PCDHA1: variants seen among roughly 807,000 people sequenced by gnomAD.
PCDHA1 encodes protocadherin alpha 1, also known as protocadherin alpha-1.
A neutral mutation model predicts 61.3 loss-of-function variants in PCDHA1; 42 were observed. The observed-to-expected ratio is 0.69, with a 90% confidence interval of 0.54 to 0.89. The LOEUF (loss-of-function observed/expected upper bound fraction) is 0.89. PCDHA1 is among the 40% of genes least tolerant of loss of function. The probability of loss-of-function intolerance (pLI) is 0.00; values close to 1 mark genes in which losing one functional copy is unlikely to be tolerated. For synonymous variants in PCDHA1, 610 were observed against 553.8 expected, an observed-to-expected ratio of 1.10 and a Z score of -1.43; for missense variants, 1,256 against 1,235.3, an observed-to-expected ratio of 1.02 and a Z score of -0.25.
At chr5:140,889,456 T>A (rs1328565593) in intron 1 of PCDHA1, among the ~76,000 whole-genome samples, 1 of 152,126 alleles carries the variant, frequency 6.6e-6, no homozygotes, top group Admixed American at 6.5e-5. Flanking sequence ...TTAATCTAAA[T>A]TTTCAGTTAT....
At chr5:140,938,158 C>G (rs1308976624) in intron 1 of PCDHA1, among the ~76,000 whole-genome samples, 1 of 152,112 alleles carries the variant, frequency 6.6e-6, no homozygotes, top group African/African-American at 2.4e-5. Flanking sequence ...ATTGCCCAGG[C>G]TAGTCTGGAG....
intron 1 of PCDHA1, chr5:140,857,810 C>T (rs1411794040): frequency 1.9e-6 from 3 of 1,597,674 alleles, no homozygotes; most frequent in Non-Finnish European, 2.6e-6. Context: ...GGTTGCGGGT[C>T]ACGTGGTGGC....
chr5:140,889,814 CATA>C (rs1463937516), intron 1 of PCDHA1, among the ~76,000 whole-genome samples: 6 of 152,048 alleles, frequency 3.9e-5, no homozygotes, highest in Non-Finnish European at 7.4e-5. Context: ...GAAGTCAGGT[CATA>C]AGAAGTCTTA....
intron 1 of PCDHA1, among the ~76,000 whole-genome samples, chr5:140,907,450 T>C (rs1235040607): frequency 1.1e-4 from 17 of 152,218 alleles, no homozygotes; most frequent in Non-Finnish European, 2.5e-4. Context: ...CAGATGGTAA[T>C]CTTGGCAGAA....
chr5:140,901,092 T>C (rs1374524038), intron 1 of PCDHA1, among the ~76,000 whole-genome samples: 5 of 152,228 alleles, frequency 3.3e-5, no homozygotes, highest in African/African-American at 1.2e-4. Context: ...TTGAGCTCCT[T>C]CTACATTCTG....
Position 140,787,909 on chromosome 5 carries a change from C to T in PCDHA1, c.1619C>T (p.Ala540Val). 1.9e-6 allele frequency: 3 copies of T among 1,613,586 alleles called. No individual in the cohort carries two copies. Among genetic ancestry groups the T allele is most frequent in the Non-Finnish European group, 1.7e-6 (2 of 1,179,872 alleles). ...CAGTTCCAGGTGAGCGCGCGGGATG[C>T]GGGCGTGCCGCCTCTGGGCAGCAAC... is the stretch of plus-strand genomic sequence containing the variant. ...LLQFQVSARD[A>V]GVPPLGSNVT... The change falls in exon 1 of 4, where the codon GCG (alanine) becomes GTG (valine). Residue 540 changes from alanine (A) to valine (V), a missense_variant. Ala to Val is a moderately conservative substitution (Grantham distance 64). Transcript: ENST00000504120.
At chr5:140,986,461 C>A (rs1554248079) in intron 3 of PCDHA1, among the ~76,000 whole-genome samples, 1 of 152,154 alleles carries the variant, frequency 6.6e-6, no homozygotes. Flanking sequence ...TTAATGAATG[C>A]CCTCTTGTGA....
chr5:140,831,520 C>CTTTTTTT (rs35178185), intron 1 of PCDHA1, among the ~76,000 whole-genome samples: 11 of 122,404 alleles, frequency 9.0e-5, no homozygotes, highest in Non-Finnish European at 1.6e-4. Context: ...TGCCCCCCAC[C>CTTTTTTT]TTTTTTTTTT....
intron 1 of PCDHA1, among the ~76,000 whole-genome samples, chr5:140,799,531 A>G (rs1762441975): frequency 6.6e-6 from 1 of 152,108 alleles, no homozygotes; most frequent in Non-Finnish European, 1.5e-5. Flanking sequence ...TTACTTCTTC[A>G]TAATATAGCA....
At chr5:140,870,279 T>C (rs1047130885) in intron 1 of PCDHA1, 3 of 1,614,120 alleles carry the variant, frequency 1.9e-6, no homozygotes, top group Non-Finnish European at 2.5e-6. Context: ...CGCCCCACGT[T>C]CCCTTCAAGC....
intron 1 of PCDHA1, chr5:140,830,264 G>A (rs748242537): frequency 6.2e-7 from 1 of 1,613,678 alleles, no homozygotes; most frequent in Non-Finnish European, 8.5e-7. Context: ...GCGGTGCTCG[G>A]CGCCACCCAC....
At chr5:140,823,338 G>C (rs149205606) in intron 1 of PCDHA1, 29 of 1,612,112 alleles carry the variant, frequency 1.8e-5, no homozygotes, top group Non-Finnish European at 2.4e-5. Context: ...CGCTGCAGCC[G>C]CTGGACCACG....
intron 1 of PCDHA1, chr5:140,855,849 C>T: frequency 7.5e-6 from 5 of 665,166 alleles, no homozygotes; most frequent in Non-Finnish European, 1.2e-5. Flanking sequence ...CCTAAAGCCA[C>T]CGGATGTCGC....
At chr5:140,918,853 C>T (rs1348069562) in intron 1 of PCDHA1, among the ~76,000 whole-genome samples, 4 of 152,134 alleles carry the variant, frequency 2.6e-5, no homozygotes, top group Non-Finnish European at 5.9e-5. Context: ...CTGCTGGTGC[C>T]TGAATCATGA....
chr5:140,937,644 G>A (rs1554211697), intron 1 of PCDHA1, among the ~76,000 whole-genome samples: 1 of 151,048 alleles, frequency 6.6e-6, no homozygotes, highest in African/African-American at 2.4e-5. Flanking sequence ...AGGGCATGGT[G>A]GCTCACGCCT....
intron 1 of PCDHA1, among the ~76,000 whole-genome samples, chr5:140,900,747 CTTGGTAGCTCTATT>C (rs545406022): frequency 3.1e-4 from 47 of 152,302 alleles, no homozygotes; most frequent in African/African-American, 1.1e-3. Flanking sequence ...TTCTGGATCA[CTTGGTAGCTCTATT>C]TTTGGCTTTT....
chr5:140,841,277 C>T lies in PCDHA1; in HGVS notation c.2394+52593C>T. Reference sequence around the variant, plus strand: ...AGACTCTGAAAGTACAGTCGTTCATCTTTATATTAAGATAATATTTTCTGA... The same window carrying T: ...AGACTCTGAAAGTACAGTCGTTCATTTTTATATTAAGATAATATTTTCTGA... On this transcript the variant is annotated intron_variant, in intron 1 of 3. Coordinates refer to ENST00000504120, the MANE Select transcript of PCDHA1 (RefSeq NM_018900.4). 9 of 1,516,428 alleles carry T rather than the reference C, an allele frequency of 5.9e-6. 1 individual carries two copies. Among genetic ancestry groups the T allele is most frequent in the Non-Finnish European group, 8.0e-6 (9 of 1,128,112 alleles). The allele number at this position is 1,516,428 out of a possible 1,614,324, so 93.9% of individuals were successfully genotyped here. A position where few individuals can be genotyped will look rare whatever the true frequency, so the allele number is the denominator to read the frequency against.
At chr5:140,928,194 A>G in intron 1 of PCDHA1, 2 of 1,614,204 alleles carry the variant, frequency 1.2e-6, no homozygotes, top group East Asian at 2.2e-5. Context: ...TCACTGTGTC[A>G]GTTGCTGATG....
At chr5:140,964,910 A>G (rs1474342229) in intron 1 of PCDHA1, among the ~76,000 whole-genome samples, 2 of 152,206 alleles carry the variant, frequency 1.3e-5, no homozygotes, top group African/African-American at 4.8e-5. Context: ...CTTCTCTGGA[A>G]TAACACTGGC....
Sources: allele counts gnomAD v4.1 joint callset (sites outside exome capture counted in the v4.1 genomes callset), GRCh38; gene constraint gnomAD v4.1.1; transcripts MANE v1.5; gene names NCBI Gene and HGNC (gene_info 2026-07-23, HGNC 2026-07-21).